The following GPR108 variants were observed in gnomAD, a reference collection of about 807,000 sequenced individuals.
GPR108 encodes the protein protein GPR108.
In GPR108, 60 loss-of-function variants were observed where a neutral mutation model predicts 74.3. The observed-to-expected ratio is 0.81, with a 90% confidence interval of 0.66 to 1.00. The LOEUF is 1.00. Ranked by LOEUF, GPR108 falls within the 50% of genes least tolerant of loss-of-function variation. The probability of loss-of-function intolerance (pLI) is 0.00; values close to 1 mark genes in which losing one functional copy is unlikely to be tolerated. For missense variants in GPR108, 667 were observed against 703.3 expected (o/e 0.95, Z 0.58); for synonymous variants, 311 against 292.4 (o/e 1.06, Z -0.65).
intron 4 of GPR108, 83 bp downstream of exon 4, chr19:6,735,539 C>T: frequency 8.4e-7 from 1 of 1,187,870 alleles, no homozygotes; most frequent in Non-Finnish European, 1.2e-6. Context: ...TCTCATCCCA[C>T]CTGATCAGCC....
In GPR108 at chr19:6,732,511, G is replaced by A. The variant is rs1454252256; in HGVS notation, c.972C>T (p.Ile324=). 5.0e-6 allele frequency: 8 copies of A among 1,613,764 alleles called. No individual in the cohort carries two copies. Among genetic ancestry groups the A allele is most frequent in the South Asian group, 3.3e-5 (3 of 91,078 alleles). The change falls in exon 11 of 18, where the codon ATC becomes ATT. Residue 324 remains isoleucine (I), a synonymous_variant. Coordinates refer to ENST00000264080, the MANE Select transcript of GPR108 (RefSeq NM_001080452.2). ...YYFINSQGHP[I]EGLAVMYYIA... is the part of the protein sequence containing the mutation. Reference sequence around the variant, plus strand: ...TGTAGTACATGACGGCAAGGCCTTCGATGGGGTGGCCCTGGCTGTTGATGA... The same window carrying A: ...TGTAGTACATGACGGCAAGGCCTTCAATGGGGTGGCCCTGGCTGTTGATGA...
At chr19:6,735,875 C>A in intron 3 of GPR108, 33 bp downstream of exon 3, 1 of 1,605,672 alleles carries the variant, frequency 6.2e-7, no homozygotes, top group South Asian at 1.1e-5. Context: ...CCCTCCAGCC[C>A]CTTCTCCCGT....
In GPR108 at chr19:6,733,220, C is replaced by G; in HGVS notation, c.805G>C (p.Ala269Pro). 7 of 1,614,006 alleles carry G rather than the reference C, an allele frequency of 4.3e-6. No homozygotes were observed. Among genetic ancestry groups the G allele is most frequent in the Non-Finnish European group, 5.1e-6 (6 of 1,180,026 alleles). The change falls in exon 9 of 18, where the codon GCC (alanine) becomes CCC (proline). Residue 269 changes from alanine (A) to proline (P), a missense_variant. By Grantham distance (27) the Ala-to-Pro change is conservative. Coordinates refer to ENST00000264080, the MANE Select transcript of GPR108 (RefSeq NM_001080452.2). ...PLFKLYMVMSACFLAAGIFWV... is the reference protein window; with the variant it reads ...PLFKLYMVMSPCFLAAGIFWV... The stretch of plus-strand genomic sequence containing the variant: ...AAGATGCCAGCGGCCAGGAAGCAGG[C>G]GGACATGACCATGTAGAGCTTGAAA...
rs748993041 is a variant in GPR108, at chr19:6,732,497, A to G, written c.986T>C (p.Val329Ala). The G allele has an allele frequency of 5.6e-6, 9 of 1,613,790 alleles. No individual in the cohort carries two copies. Among genetic ancestry groups the G allele is most frequent in the Non-Finnish European group, 7.6e-6 (9 of 1,179,964 alleles). The change falls in exon 11 of 18, where the codon GTC (valine) becomes GCC (alanine). Residue 329 changes from valine (V) to alanine (A), a missense_variant. Coordinates refer to ENST00000264080, the MANE Select transcript of GPR108 (RefSeq NM_001080452.2). ...TCACAGGTGTGCGATGTAGTACATG[A>G]CGGCAAGGCCTTCGATGGGGTGGCC... is the stretch of plus-strand genomic sequence containing the variant. ...SQGHPIEGLA[V>A]MYYIAHLLKG...
chr19:6,736,441 A>G (rs1290588826), intron 2 of GPR108, 151 bp downstream of exon 2: 7 of 819,898 alleles, frequency 8.5e-6, no homozygotes, highest in Non-Finnish European at 5.8e-6. Context: ...ATCCTGTGTA[A>G]GACATCATTA....
chr19:6,731,120 CG>C lies in GPR108; in HGVS notation c.1435-10del. Reference sequence around the variant, plus strand: ...GAGCCCTCCACCAAGAGCTGGGGGACGGGGCGGAGTGGGGGCGTCAGGCGCA... The same window carrying C: ...GAGCCCTCCACCAAGAGCTGGGGGACGGGCGGAGTGGGGGCGTCAGGCGCA... On this transcript the variant is annotated splice_polypyrimidine_tract_variant and intron_variant, in intron 16 of 17. Coordinates refer to ENST00000264080, the MANE Select transcript of GPR108 (RefSeq NM_001080452.2). 1.9e-6 allele frequency: 3 copies of C among 1,612,816 alleles called. No homozygotes were observed. Among genetic ancestry groups the C allele is most frequent in the South Asian group, 2.2e-5 (2 of 91,072 alleles).
Position 6,733,829 on chromosome 19 carries a change from C to A in GPR108, c.618+16G>T. 6.2e-7 allele frequency: 1 copy of A among 1,613,724 alleles called. No individual in the cohort carries two copies. Among genetic ancestry groups the A allele is most frequent in the Non-Finnish European group, 8.5e-7 (1 of 1,179,678 alleles). The stretch of plus-strand genomic sequence containing the variant: ...TCTGGGGTGACGGAAGGGCCGCAGG[C>A]GCTGCAAACACTCACACTGAAGTTG... On this transcript the variant is annotated intron_variant, in intron 7 of 17. Transcript: ENST00000264080.
intron 7 of GPR108, 46 bp downstream of exon 7, chr19:6,733,799 C>A (rs377295960): frequency 6.2e-7 from 1 of 1,607,658 alleles, no homozygotes; most frequent in East Asian, 2.2e-5. Flanking sequence ...TTGGGGGTCC[C>A]GTGCTCTGGG....
In GPR108 at chr19:6,733,239, C is replaced by T. The variant is rs1968495181; in HGVS notation, c.786G>A (p.Lys262=). ...AGCAGGCGGACATGACCATGTAGAG[C>T]TTGAAAAGGGGCATCTCCGCTGCCG... ...FLSAAEMPLF[K]LYMVMSACFL... The change falls in exon 9 of 18, where the codon AAG becomes AAA. Residue 262 remains lysine, a synonymous_variant. Transcript: ENST00000264080. 1 of 1,613,866 alleles carries T rather than the reference C, an allele frequency of 6.2e-7. No homozygotes were observed. The highest frequency in any genetic ancestry group is 1.7e-5 in the Admixed American group (1 of 60,008).
chr19:6,730,921 C>CCGGG, intron 17 of GPR108, 66 bp downstream of exon 17: 1 of 1,478,148 alleles, frequency 6.8e-7, no homozygotes, highest in Non-Finnish European at 9.3e-7. Context: ...CCACCCTGCC[C>CCGGG]GTAGAGCTGC....
chr19:6,731,777 G>T, intron 14 of GPR108, 114 bp downstream of exon 14: 3 of 1,231,926 alleles, frequency 2.4e-6, no homozygotes, highest in Non-Finnish European at 3.5e-6. Context: ...ATCCAGGGAG[G>T]CAGAGGCCTG....
At chr19:6,732,570 G>C in intron 10 of GPR108, 21 bp from the exon 11 acceptor site, 2 of 1,602,474 alleles carry the variant, frequency 1.2e-6, no homozygotes, top group African/African-American at 1.3e-5. Flanking sequence ...ATGGACAGAC[G>C]GACAGTGAGG....
At chr19:6,733,428 T>C in intron 8 of GPR108, 127 bp from the exon 9 acceptor site, 6 of 1,283,266 alleles carry the variant, frequency 4.7e-6, no homozygotes, top group Non-Finnish European at 5.5e-6. Context: ...GAGCCTCAGT[T>C]GGCCCCGTCT....
chr19:6,733,041 G>A lies in GPR108; in HGVS notation c.879C>T (p.His293=), dbSNP rs1968484802. 1 of 1,613,244 alleles carries A rather than the reference G, an allele frequency of 6.2e-7. No individual in the cohort carries two copies. ...TGAAGGCCAAGGCCGCCATGAGCCA[G>A]TGGATCTTGAAGACGCTGTACCTGG... The part of the protein sequence containing the change: ...CRNTYSVFKI[H]WLMAALAFTK... Residue 293 remains histidine, a synonymous_variant, in exon 10 of 18, where the codon CAC becomes CAT. Transcript: ENST00000264080.
At chr19:6,731,605 A>G (rs965849624) in intron 14 of GPR108, 83 bp from the exon 15 acceptor site, 1 of 1,107,696 alleles carries the variant, frequency 9.0e-7, no homozygotes, top group Non-Finnish European at 1.3e-6. Context: ...GAGAGGTGAC[A>G]AACAGAACAT....
chr19:6,737,046 C>G (rs547088600), intron 1 of GPR108: 217 of 410,012 alleles, frequency 5.3e-4, no homozygotes, highest in African/African-American at 4.0e-3. Context: ...GTTGAGCTCC[C>G]AGCAATATTT....
rs945321502 is a variant in GPR108 at position 6,734,483 on chromosome 19, G to A, written c.375-176C>T. Among the ~76,000 whole-genome samples the A allele has an allele frequency of 2.6e-5, 4 of 152,204 alleles. No individual in the cohort carries two copies. In the South Asian group the frequency reaches 6.2e-4, roughly 24 times the overall value. On this transcript the variant is annotated intron_variant, in intron 4 of 17. Coordinates refer to ENST00000264080, the MANE Select transcript of GPR108 (RefSeq NM_001080452.2). Reference sequence around the variant, plus strand: ...GTTCCCACCGGTCAAGGAGGCTGCCGCCTTCCTGTGCTGCCTGCATCCGCA... The same window carrying A: ...GTTCCCACCGGTCAAGGAGGCTGCCACCTTCCTGTGCTGCCTGCATCCGCA...
At chr19:6,736,925 G>A (rs1470360076) in intron 1 of GPR108, 1 of 617,350 alleles carries the variant, frequency 1.6e-6, no homozygotes, top group Non-Finnish European at 2.7e-6. Context: ...CCCAGGAACA[G>A]AGATCCTGCG....
chr19:6,729,991 G>A lies in GPR108; in HGVS notation c.*321C>T, dbSNP rs1395399325. On this transcript the variant is annotated 3_prime_UTR_variant, in exon 18 of 18. Coordinates refer to ENST00000264080, the MANE Select transcript of GPR108 (RefSeq NM_001080452.2). ...CCCCCGCCACACACAGCGAAAACAG[G>A]TTTCTACATTGTAAACACAACCTCC... The A allele has an allele frequency of 5.8e-6, 2 of 347,508 alleles. No homozygotes were observed. The highest frequency in any genetic ancestry group is 3.6e-5 in the South Asian group (1 of 27,508). 21.5% of individuals were successfully genotyped at this position (347,508 alleles called of 1,614,324 possible).
Sources: gnomAD v4.1 joint callset for allele counts (sites outside exome capture counted in the v4.1 genomes callset) on GRCh38, gnomAD v4.1.1 for gene constraint, MANE v1.5 for transcripts, NCBI Gene and HGNC (gene_info 2026-07-23, HGNC 2026-07-21) for gene names.